ITPR2: variants seen among roughly 807,000 people sequenced by gnomAD.
The protein encoded by ITPR2 is inositol 1,4,5-trisphosphate receptor type 2.
A neutral mutation model predicts 317.1 loss-of-function variants in ITPR2; 207 were observed. That is an observed-to-expected ratio of 0.65 (90% confidence interval 0.58 to 0.73). ITPR2 has a LOEUF of 0.73. Ranked by LOEUF, ITPR2 falls within the 30% of genes least tolerant of loss-of-function variation. The pLI is 0.00. For missense variants in ITPR2, 2,613 were observed against 3,284.0 expected, an observed-to-expected ratio of 0.80 and a Z score of 4.99; for synonymous variants, 1,156 against 1,149.1, an observed-to-expected ratio of 1.01 and a Z score of -0.12.
At chr12:26,815,870 G>T (rs1013179645) in intron 1 of ITPR2, among the ~76,000 whole-genome samples, 1 of 151,974 alleles carries the variant, frequency 6.6e-6, no homozygotes, top group African/African-American at 2.4e-5. Context: ...GAGGCAGGTG[G>T]ATCACGAGGT....
intron 1 of ITPR2, among the ~76,000 whole-genome samples, chr12:26,801,888 TAA>T (rs751619183): frequency 4.3e-5 from 6 of 140,236 alleles, no homozygotes; most frequent in Non-Finnish European, 3.1e-5. Flanking sequence ...TACTTCATGT[TAA>T]AAAAAAAAAA....
chr12:26,672,970 G>A (rs1222047082), intron 13 of ITPR2, among the ~76,000 whole-genome samples: 1 of 152,170 alleles, frequency 6.6e-6, no homozygotes, highest in Admixed American at 6.5e-5. Flanking sequence ...TAAATTCCTT[G>A]ACACATACAC....
chr12:26,603,336 C>A (rs1187747818), intron 26 of ITPR2, among the ~76,000 whole-genome samples: 1 of 151,976 alleles, frequency 6.6e-6, no homozygotes, highest in African/African-American at 2.4e-5. Flanking sequence ...CCTGAAACAC[C>A]AAAGATACTT....
At chr12:26,673,430 C>A (rs1033399141) in intron 13 of ITPR2, among the ~76,000 whole-genome samples, 13 of 152,028 alleles carry the variant, frequency 8.6e-5, no homozygotes, top group Non-Finnish European at 1.5e-4. Flanking sequence ...ATAAACAGAA[C>A]CAAAGACAAA....
intron 8 of ITPR2, among the ~76,000 whole-genome samples, chr12:26,711,950 C>G (rs952351535): frequency 2.4e-4 from 36 of 152,172 alleles, no homozygotes; most frequent in African/African-American, 8.4e-4. Context: ...GACAGCATGT[C>G]TTTTGATACC....
At chr12:26,523,521 T>A in intron 37 of ITPR2, among the ~76,000 whole-genome samples, 1 of 139,620 alleles carries the variant, frequency 7.2e-6, no homozygotes, top group South Asian at 2.1e-4. Context: ...AATGGCAAAA[T>A]CTTTTTTTTT....
chr12:26,421,314 A>G (rs1048869692), intron 49 of ITPR2: 1 of 152,204 alleles, frequency 6.6e-6, no homozygotes, highest in East Asian at 1.9e-4. Flanking sequence ...CTTGATGAAT[A>G]GATTCCTGTT....
At chr12:26,766,556 C>G (rs1222788106) in intron 2 of ITPR2, among the ~76,000 whole-genome samples, 5 of 152,250 alleles carry the variant, frequency 3.3e-5, no homozygotes, top group African/African-American at 1.2e-4. Flanking sequence ...TATCTTCTCC[C>G]TTTCTTTGGA....
At chr12:26,585,191 A>T (rs1318240716) in intron 32 of ITPR2, among the ~76,000 whole-genome samples, 2 of 152,098 alleles carry the variant, frequency 1.3e-5, no homozygotes, top group Non-Finnish European at 2.9e-5. Flanking sequence ...TTTTCTTCTA[A>T]TATTTTTGTT....
intron 48 of ITPR2, 72 bp from the exon 49 acceptor site, chr12:26,428,160 CT>C: frequency 8.7e-7 from 1 of 1,148,326 alleles, no homozygotes; most frequent in Non-Finnish European, 1.2e-6. Context: ...TGCTGCTCTA[CT>C]TTATATGGTA....
Position 26,595,518 on chromosome 12 carries a change from T to C in ITPR2, c.4327A>G (p.Thr1443Ala), listed in dbSNP as rs754202341. The C allele has an allele frequency of 2.5e-6, 4 of 1,607,686 alleles. No homozygotes were observed. The highest frequency in any genetic ancestry group is 2.7e-5 in the African/African-American group (2 of 74,472). The change falls in exon 32 of 57, where the codon ACA (threonine) becomes GCA (alanine). Residue 1443 changes from threonine to alanine, a missense_variant. Transcript: ENST00000381340. ...AATAATTTCCAAATGTGGTTACTTGTATAGATTTCTTTCATTTCCACTTCA... is the reference window on the plus strand; with the variant it reads ...AATAATTTCCAAATGTGGTTACTTGCATAGATTTCTTTCATTTCCACTTCA... ...DTEVEMKEIY[T>A]SNHIWKLFEN...
At chr12:26,439,913 T>A (rs905833793) in intron 46 of ITPR2, among the ~76,000 whole-genome samples, 1 of 138,022 alleles carries the variant, frequency 7.2e-6, no homozygotes, top group Non-Finnish European at 1.6e-5. Context: ...TTATTTGTTA[T>A]TTGTGACTGT....
At chr12:26,654,954 A>G (rs1204035280) in intron 20 of ITPR2, among the ~76,000 whole-genome samples, 2 of 152,172 alleles carry the variant, frequency 1.3e-5, no homozygotes, top group South Asian at 2.1e-4. Flanking sequence ...AGCTATTCCC[A>G]GGTTCCTGAC....
intron 55 of ITPR2, among the ~76,000 whole-genome samples, chr12:26,367,456 T>C (rs1265338422): frequency 7.7e-6 from 1 of 130,066 alleles, no homozygotes; most frequent in Admixed American, 8.4e-5. Context: ...GCTTCTATCA[T>C]TTTCACATCC....
chr12:26,615,584 A>C (rs2136786160), intron 26 of ITPR2, among the ~76,000 whole-genome samples: 1 of 152,340 alleles, frequency 6.6e-6, no homozygotes, highest in East Asian at 1.9e-4. Context: ...AAGTTAAAGT[A>C]CCACTATTTA....
Position 26,682,568 on chromosome 12 carries a change from A to G in ITPR2, c.1248+6T>C. ...TGAAAATTAAACCATCTTCAGTGACATTTACCTTTAACATAACAGGCCTCT... is the reference window on the plus strand; with the variant it reads ...TGAAAATTAAACCATCTTCAGTGACGTTTACCTTTAACATAACAGGCCTCT... On this transcript the variant is annotated splice_donor_region_variant and intron_variant, in intron 12 of 56. Transcript: ENST00000381340. 1.3e-6 allele frequency: 2 copies of G among 1,576,430 alleles called. No homozygotes were observed. The highest frequency in any genetic ancestry group is 1.7e-6 in the Non-Finnish European group (2 of 1,149,852).
At chr12:26,363,892 T>C (rs1475319591) in intron 55 of ITPR2, among the ~76,000 whole-genome samples, 4 of 152,186 alleles carry the variant, frequency 2.6e-5, no homozygotes, top group African/African-American at 7.2e-5. Context: ...CCTTTATGTA[T>C]AAAATGTCTT....
chr12:26,628,234 A>C, intron 22 of ITPR2, 72 bp from the exon 23 acceptor site: 1 of 1,156,362 alleles, frequency 8.6e-7, no homozygotes, highest in South Asian at 1.7e-5. Flanking sequence ...TTCACAACAC[A>C]CCAATAACAG....
chr12:26,452,028 T>C (rs1298890749), intron 45 of ITPR2, among the ~76,000 whole-genome samples: 1 of 152,158 alleles, frequency 6.6e-6, no homozygotes, highest in Non-Finnish European at 1.5e-5. Flanking sequence ...TAGCATCGCC[T>C]GGAAGCATGT....
Sources: allele counts gnomAD v4.1 joint callset (sites outside exome capture counted in the v4.1 genomes callset), GRCh38; gene constraint gnomAD v4.1.1; transcripts MANE v1.5; gene names NCBI Gene and HGNC (gene_info 2026-07-23, HGNC 2026-07-21).